VIPAS39: variants seen among roughly 807,000 people sequenced by gnomAD.
VIPAS39 encodes VPS33B interacting protein, apical-basolateral polarity regulator, spe-39 homolog.
VIPAS39 carries 63 observed loss-of-function variants against 84.7 expected under a neutral mutation model. The ratio of observed to expected loss-of-function variants is 0.74; its 90% CI spans 0.61 to 0.92. The LOEUF (loss-of-function observed/expected upper bound fraction) is 0.92. VIPAS39 is among the 40% of genes least tolerant of loss of function. The pLI is 0.00. For missense variants in VIPAS39, 499 were observed against 604.5 expected, an observed-to-expected ratio of 0.83 and a Z score of 1.83; for synonymous variants, 192 against 216.5, an observed-to-expected ratio of 0.89 and a Z score of 0.99.
chr14:77,433,190 G>C (rs1221293210), intron 16 of VIPAS39, among the ~76,000 whole-genome samples: 2 of 151,954 alleles, frequency 1.3e-5, no homozygotes, highest in African/African-American at 2.4e-5. Context: ...TTTTTTTAGT[G>C]ATAATTATAT....
At chr14:77,447,965 C>CTTTTTTTTTT (rs1301071234) in intron 7 of VIPAS39, among the ~76,000 whole-genome samples, 1 of 138,876 alleles carries the variant, frequency 7.2e-6, no homozygotes, top group African/African-American at 2.7e-5. Context: ...CCCGGCTTCT[C>CTTTTTTTTTT]TTTTTTTTTT....
intron 11 of VIPAS39, among the ~76,000 whole-genome samples, chr14:77,438,520 C>T (rs991055800): frequency 1.3e-5 from 2 of 152,250 alleles, no homozygotes; most frequent in African/African-American, 2.4e-5. Flanking sequence ...TGAGCCACCA[C>T]GCCCGGCCCA....
chr14:77,453,849 A>G (rs565302457), intron 2 of VIPAS39, among the ~76,000 whole-genome samples, 161 bp downstream of exon 2: 1 of 152,238 alleles, frequency 6.6e-6, no homozygotes. Flanking sequence ...TTAAAAAGGT[A>G]AAGTAAGAAA....
At chr14:77,455,632 G>A in intron 1 of VIPAS39, among the ~76,000 whole-genome samples, 1 of 152,188 alleles carries the variant, frequency 6.6e-6, no homozygotes, top group East Asian at 1.9e-4. Context: ...AGTTCTAAAA[G>A]AACCATTTGC....
Position 77,428,360 on chromosome 14 carries a change from A to G in VIPAS39, c.1461+10T>C, listed in dbSNP as rs754289597. On this transcript the variant is annotated intron_variant, in intron 19 of 19. Transcript: ENST00000557658. The stretch of plus-strand genomic sequence containing the variant: ...TGAGCCTGCTGGAGGGGTGAACTGT[A>G]GCTGCTCACCGAGCTGCTGAGAAGA... 6.2e-7 allele frequency: 1 copy of G among 1,608,948 alleles called. No homozygotes were observed. The highest frequency in any genetic ancestry group is 1.1e-5 in the South Asian group (1 of 91,000).
chr14:77,436,199 G>A (rs1192236184), intron 12 of VIPAS39, among the ~76,000 whole-genome samples: 1 of 152,236 alleles, frequency 6.6e-6, no homozygotes, highest in Admixed American at 6.5e-5. Flanking sequence ...CATTTTGAGA[G>A]TTGGAATATT....
intron 6 of VIPAS39, 115 bp downstream of exon 6, chr14:77,449,178 T>C (rs554393603): frequency 1.6e-5 from 19 of 1,222,348 alleles, no homozygotes; most frequent in African/African-American, 1.2e-4. Flanking sequence ...TTCTAATCTA[T>C]AAAACAGGGT....
At chr14:77,451,452 G>A (rs1300605480) in intron 3 of VIPAS39, 119 bp from the exon 4 acceptor site, 3 of 1,458,226 alleles carry the variant, frequency 2.1e-6, no homozygotes, top group Non-Finnish European at 2.9e-6. Context: ...CCAACTTGGG[G>A]CAGGGAGAAA....
intron 4 of VIPAS39, 30 bp downstream of exon 4, chr14:77,451,157 T>C (rs367634688): frequency 9.3e-6 from 15 of 1,614,024 alleles, no homozygotes; most frequent in Non-Finnish European, 1.1e-5. Flanking sequence ...AGAGAAGGAC[T>C]TCCCTATCCA....
intron 7 of VIPAS39, among the ~76,000 whole-genome samples, chr14:77,446,020 A>G (rs1208332560): frequency 6.6e-6 from 1 of 151,620 alleles, no homozygotes; most frequent in Non-Finnish European, 1.5e-5. Flanking sequence ...ACTTTCTCTG[A>G]GCTATGGTGG....
At chr14:77,433,098 C>T (rs1433576128) in intron 16 of VIPAS39, among the ~76,000 whole-genome samples, 1 of 152,008 alleles carries the variant, frequency 6.6e-6, no homozygotes, top group African/African-American at 2.4e-5. Flanking sequence ...GAAAAAAATA[C>T]AGAAGCAAAC....
intron 16 of VIPAS39, among the ~76,000 whole-genome samples, chr14:77,433,295 G>A (rs2078552710): frequency 6.6e-6 from 1 of 152,078 alleles, no homozygotes; most frequent in Non-Finnish European, 1.5e-5. Flanking sequence ...CCGCCTCCTG[G>A]ATTCAAGCAA....
At chr14:77,433,636 G>A (rs1412453729) in intron 16 of VIPAS39, among the ~76,000 whole-genome samples, 1 of 152,278 alleles carries the variant, frequency 6.6e-6, no homozygotes, top group African/African-American at 2.4e-5. Flanking sequence ...ATAAATTAGT[G>A]ATGTGGATAA....
At chr14:77,451,985 T>C (rs774018031) in intron 3 of VIPAS39, among the ~76,000 whole-genome samples, 2 of 152,172 alleles carry the variant, frequency 1.3e-5, no homozygotes, top group Non-Finnish European at 1.5e-5. Context: ...ACTCTAAGAA[T>C]TGCTCTTTCA....
chr14:77,444,147 C>T (rs920779913), intron 8 of VIPAS39, 102 bp downstream of exon 8: 1 of 1,200,218 alleles, frequency 8.3e-7, no homozygotes, highest in Non-Finnish European at 1.2e-6. Flanking sequence ...AATCCAGGAT[C>T]TTTACTTAAC....
intron 6 of VIPAS39, 93 bp from the exon 7 acceptor site, chr14:77,448,643 A>C (rs2078835372): frequency 7.6e-7 from 1 of 1,318,568 alleles, no homozygotes. Flanking sequence ...CTTAGTGTCT[A>C]AGGGGGAAAT....
intron 4 of VIPAS39, among the ~76,000 whole-genome samples, chr14:77,450,151 T>C (rs1241323138): frequency 6.6e-6 from 1 of 152,234 alleles, no homozygotes; most frequent in Non-Finnish European, 1.5e-5. Context: ...CCCCAGCTCT[T>C]GGTAACCACC....
At chr14:77,430,491 C>A (rs993815978) in intron 16 of VIPAS39, among the ~76,000 whole-genome samples, 1 of 152,086 alleles carries the variant, frequency 6.6e-6, no homozygotes, top group Non-Finnish European at 1.5e-5. Flanking sequence ...CCGAGGTGGG[C>A]GGATCACTTG....
chr14:77,429,170 G>A, intron 17 of VIPAS39, 75 bp from the exon 18 acceptor site: 1 of 1,404,508 alleles, frequency 7.1e-7, no homozygotes, highest in South Asian at 1.2e-5. Context: ...AGAAAAGAAA[G>A]TCCTGAAGAA....
Sources: gnomAD v4.1 joint callset for allele counts (sites outside exome capture counted in the v4.1 genomes callset) on GRCh38, gnomAD v4.1.1 for gene constraint, MANE v1.5 for transcripts, NCBI Gene and HGNC (gene_info 2026-07-23, HGNC 2026-07-21) for gene names.